UGT8: variants seen among roughly 807,000 people sequenced by gnomAD.
UGT8 encodes 2-hydroxyacylsphingosine 1-beta-galactosyltransferase.
In UGT8, 12 loss-of-function variants were observed where a neutral mutation model predicts 40.5. That is an observed-to-expected ratio of 0.30 (90% CI 0.19 to 0.48). The LOEUF is 0.48. UGT8 is among the 20% of genes least tolerant of loss of function. The pLI is 0.99. For synonymous variants in UGT8, 224 were observed against 240.4 expected, an observed-to-expected ratio of 0.93 and a Z score of 0.63; for missense variants, 513 against 648.7, an observed-to-expected ratio of 0.79 and a Z score of 2.27.
At chr4:114,636,426 C>T (rs1196291816) in intron 2 of UGT8, among the ~76,000 whole-genome samples, 2 of 152,184 alleles carry the variant, frequency 1.3e-5, no homozygotes, top group Admixed American at 6.5e-5. Flanking sequence ...CCGGACAAAG[C>T]ATACCCAGTG....
chr4:114,664,293 G>A (rs1428942183), intron 3 of UGT8, among the ~76,000 whole-genome samples, 156 bp downstream of exon 3: 1 of 152,054 alleles, frequency 6.6e-6, no homozygotes, highest in African/African-American at 2.4e-5. Flanking sequence ...TGAAATCTAG[G>A]AATTAATTCA....
chr4:114,606,306 G>T (rs1028940670), intron 1 of UGT8, among the ~76,000 whole-genome samples: 9 of 152,134 alleles, frequency 5.9e-5, no homozygotes, highest in Non-Finnish European at 8.8e-5. Flanking sequence ...TGATTCAGTG[G>T]TGGTGTCTTC....
intron 1 of UGT8, among the ~76,000 whole-genome samples, chr4:114,619,696 G>A (rs144658473): frequency 3.3e-5 from 5 of 151,792 alleles, no homozygotes; most frequent in Non-Finnish European, 7.4e-5. Flanking sequence ...GAATGACAGT[G>A]TATTTAACCA....
intron 2 of UGT8, among the ~76,000 whole-genome samples, chr4:114,631,916 C>T (rs776344823): frequency 1.6e-4 from 24 of 152,134 alleles, no homozygotes; most frequent in Non-Finnish European, 2.9e-4. Flanking sequence ...TAGATCTGAA[C>T]AGCTCATTAC....
intron 2 of UGT8, among the ~76,000 whole-genome samples, chr4:114,651,718 G>A (rs1252053271): frequency 5.3e-5 from 8 of 152,058 alleles, no homozygotes; most frequent in African/African-American, 1.9e-4. Context: ...GAAGTCTTTT[G>A]AAGTAATCAT....
upstream of UGT8, chr4:114,598,754 G>GCTC (rs1730247767): frequency 6.6e-6 from 1 of 152,156 alleles, no homozygotes; most frequent in Non-Finnish European, 1.5e-5. Context: ...GAGCAGGCGC[G>GCTC]CTGAGGACCC....
chr4:114,612,743 A>G (rs796757940), intron 1 of UGT8, among the ~76,000 whole-genome samples: 15 of 152,248 alleles, frequency 9.9e-5, no homozygotes, highest in African/African-American at 3.4e-4. Context: ...GTAGTCCCAT[A>G]TTACTAGAGA....
At chr4:114,647,893 A>G (rs1431549930) in intron 2 of UGT8, among the ~76,000 whole-genome samples, 8 of 152,128 alleles carry the variant, frequency 5.3e-5, no homozygotes, top group East Asian at 1.9e-4. Flanking sequence ...CTTGTTCTTG[A>G]CGGTTAATTG....
At chr4:114,651,175 G>C (rs530486346) in intron 2 of UGT8, among the ~76,000 whole-genome samples, 1 of 151,894 alleles carries the variant, frequency 6.6e-6, no homozygotes. Context: ...TTAACTTAGC[G>C]GGGAAAAATT....
At chr4:114,654,397 G>A (rs1193816184) in intron 2 of UGT8, among the ~76,000 whole-genome samples, 3 of 151,914 alleles carry the variant, frequency 2.0e-5, no homozygotes, top group Non-Finnish European at 4.4e-5. Context: ...AGACATTTCA[G>A]CCCCTAGAGC....
intron 1 of UGT8, among the ~76,000 whole-genome samples, chr4:114,617,345 T>C (rs533637180): frequency 6.6e-6 from 1 of 152,336 alleles, no homozygotes; most frequent in Non-Finnish European, 1.5e-5. Context: ...TATCCTGATA[T>C]CTTACTGTTT....
At chr4:114,600,541 G>A (rs1319153353) in intron 1 of UGT8, among the ~76,000 whole-genome samples, 2 of 152,052 alleles carry the variant, frequency 1.3e-5, no homozygotes, top group Non-Finnish European at 2.9e-5. Context: ...AGGTTTTGGG[G>A]TACATGTGAA....
In UGT8 at chr4:114,668,146, A is replaced by G. The variant is rs11098261; in HGVS notation, c.1104A>G (p.Ile368Met). ...GTTTGAACAGTATTTTTGAAACTATATATCATGGTGTGCCTGTAGTGGGAA... is the reference window on the plus strand; with the variant it reads ...GTTTGAACAGTATTTTTGAAACTATGTATCATGGTGTGCCTGTAGTGGGAA... ...HGGLNSIFET[I>M]YHGVPVVGIP... is the part of the protein sequence containing the mutation. The change falls in exon 5 of 6, where the codon ATA (isoleucine) becomes ATG (methionine). Residue 368 changes from isoleucine (I) to methionine (M), a missense_variant. By Grantham distance (10) the Ile-to-Met change is conservative. Transcript: ENST00000310836. 1,609,959 of 1,613,858 alleles carry G rather than the reference A, an allele frequency of 1. 803,120 individuals carry two copies. Among genetic ancestry groups the G allele is most frequent in the East Asian group, 1 (44,834 of 44,834 alleles).
chr4:114,615,806 T>TAAGG (rs1731374458), intron 1 of UGT8, among the ~76,000 whole-genome samples: 1 of 152,206 alleles, frequency 6.6e-6, no homozygotes, highest in African/African-American at 2.4e-5. Flanking sequence ...AAACAAGCTA[T>TAAGG]TAGAGAGGTA....
At chr4:114,661,315 G>T (rs1255330501) in intron 2 of UGT8, among the ~76,000 whole-genome samples, 1 of 152,008 alleles carries the variant, frequency 6.6e-6, no homozygotes, top group Non-Finnish European at 1.5e-5. Flanking sequence ...CATTTACCAT[G>T]GAGTTTGTTT....
intron 1 of UGT8, among the ~76,000 whole-genome samples, chr4:114,610,892 A>G (rs892821309): frequency 6.6e-6 from 1 of 152,214 alleles, no homozygotes; most frequent in African/African-American, 2.4e-5. Context: ...GATAGTAAAG[A>G]AAGAATATCT....
intron 2 of UGT8, among the ~76,000 whole-genome samples, chr4:114,650,876 GT>G (rs1293126443): frequency 6.6e-6 from 1 of 151,636 alleles, no homozygotes; most frequent in Non-Finnish European, 1.5e-5. Context: ...AGATATGCAA[GT>G]TTTTTTCTAT....
At chr4:114,648,698 C>T (rs935950468) in intron 2 of UGT8, among the ~76,000 whole-genome samples, 2 of 152,004 alleles carry the variant, frequency 1.3e-5, no homozygotes, top group South Asian at 2.1e-4. Flanking sequence ...TTACCAGTTG[C>T]GAAATTGGTT....
At chr4:114,652,365 C>T (rs1578449015) in intron 2 of UGT8, among the ~76,000 whole-genome samples, 1 of 149,988 alleles carries the variant, frequency 6.7e-6, no homozygotes, top group Non-Finnish European at 1.5e-5. Flanking sequence ...GTAGTTGGAC[C>T]AATGAAAATT....
Sources: gnomAD v4.1 joint callset for allele counts (sites outside exome capture counted in the v4.1 genomes callset) on GRCh38, gnomAD v4.1.1 for gene constraint, MANE v1.5 for transcripts, NCBI Gene and HGNC (gene_info 2026-07-23, HGNC 2026-07-21) for gene names.